The following AP3S1 variants were observed in gnomAD, a reference collection of about 807,000 sequenced individuals.
AP3S1 encodes the protein AP-3 complex subunit sigma-1.
A neutral mutation model predicts 21.3 loss-of-function variants in AP3S1; 12 were observed. The observed-to-expected ratio is 0.56, with a 90% confidence interval of 0.36 to 0.91. The LOEUF is 0.91. AP3S1 is among the 40% of genes least tolerant of loss of function. The probability of loss-of-function intolerance (pLI) is 0.01; values close to 1 mark genes in which losing one functional copy is unlikely to be tolerated. For missense variants in AP3S1, 116 were observed against 225.0 expected (o/e 0.52, Z 3.10); for synonymous variants, 48 against 78.4 (o/e 0.61, Z 2.05).
chr5:115,864,752 C>CT (rs1763483492), intron 1 of AP3S1, among the ~76,000 whole-genome samples: 1 of 152,180 alleles, frequency 6.6e-6, no homozygotes, highest in African/African-American at 2.4e-5. Flanking sequence ...TCAGAGAAAT[C>CT]TAAGAGCGCA....
intron 5 of AP3S1, among the ~76,000 whole-genome samples, chr5:115,906,108 A>G (rs549765469): frequency 6.6e-6 from 1 of 152,310 alleles, no homozygotes; most frequent in Admixed American, 6.5e-5. Context: ...CAGTGAGCTG[A>G]TATTGCACCA....
At chr5:115,913,024 T>A (rs894735350) in intron 5 of AP3S1, among the ~76,000 whole-genome samples, 2 of 152,146 alleles carry the variant, frequency 1.3e-5, no homozygotes, top group African/African-American at 4.8e-5. Context: ...AGGAAACTAA[T>A]GTAAATCATG....
At chr5:115,857,907 T>G (rs1462291478) in intron 1 of AP3S1, among the ~76,000 whole-genome samples, 1 of 152,214 alleles carries the variant, frequency 6.6e-6, no homozygotes, top group African/African-American at 2.4e-5. Context: ...TCCTGACACT[T>G]TTTCTTCAAA....
At chr5:115,899,027 T>A (rs553944480) in intron 4 of AP3S1, among the ~76,000 whole-genome samples, 1 of 152,284 alleles carries the variant, frequency 6.6e-6, no homozygotes, top group Non-Finnish European at 1.5e-5. Flanking sequence ...GTTTGGAGGA[T>A]GTATGACTTT....
At chr5:115,863,152 C>T (rs750515810) in intron 1 of AP3S1, among the ~76,000 whole-genome samples, 6 of 152,044 alleles carry the variant, frequency 3.9e-5, no homozygotes, top group Non-Finnish European at 8.8e-5. Flanking sequence ...GTAATCCTAG[C>T]ACTTTGGGAG....
chr5:115,895,037 G>C, intron 3 of AP3S1, 50 bp from the exon 4 acceptor site: 1 of 1,290,868 alleles, frequency 7.7e-7, no homozygotes, highest in Non-Finnish European at 1.1e-6. Context: ...ATAGATAATA[G>C]TTTTGAATAA....
chr5:115,893,998 A>T (rs1482041217), intron 3 of AP3S1, among the ~76,000 whole-genome samples: 1 of 152,194 alleles, frequency 6.6e-6, no homozygotes, highest in Non-Finnish European at 1.5e-5. Context: ...TAAGAGATTG[A>T]TTTTTGAAGG....
chr5:115,897,893 G>C (rs1439577275), intron 4 of AP3S1, among the ~76,000 whole-genome samples: 1 of 152,110 alleles, frequency 6.6e-6, no homozygotes. Flanking sequence ...GCAAGACATA[G>C]GGAGGTTTGC....
chr5:115,896,042 T>C (rs1159027517), intron 4 of AP3S1, among the ~76,000 whole-genome samples: 8 of 152,210 alleles, frequency 5.3e-5, no homozygotes, highest in African/African-American at 1.7e-4. Context: ...AGAGATTCTT[T>C]ATGAGTGATT....
rs1253161087 is a variant in AP3S1 at position 115,913,783 on chromosome 5, TA to T, written c.*298del. 9.3e-6 allele frequency: 3 copies of T among 321,824 alleles called. No homozygotes were observed. Among genetic ancestry groups the T allele is most frequent in the Non-Finnish European group, 1.7e-5 (3 of 179,086 alleles). 19.9% of individuals were successfully genotyped at this position (321,824 alleles called of 1,614,324 possible). On this transcript the variant is annotated 3_prime_UTR_variant, in exon 6 of 6. Coordinates refer to ENST00000316788, the MANE Select transcript of AP3S1 (RefSeq NM_001284.4). ...CTATGTATTGGCTACTACAGTGTTT[TA>T]AAAAGTGTTTCAGATATTTCTCTAA...
intron 1 of AP3S1, among the ~76,000 whole-genome samples, chr5:115,864,150 G>T (rs1763421919): frequency 6.6e-6 from 1 of 152,188 alleles, no homozygotes; most frequent in Non-Finnish European, 1.5e-5. Context: ...TATCTATAAA[G>T]CTGCTAATCC....
chr5:115,888,709 G>A (rs1276976255), intron 3 of AP3S1, among the ~76,000 whole-genome samples: 1 of 151,764 alleles, frequency 6.6e-6, no homozygotes, highest in Non-Finnish European at 1.5e-5. Flanking sequence ...ACAGTGTCTT[G>A]GTAGTTGTGG....
At chr5:115,856,116 A>G (rs974439560) in intron 1 of AP3S1, among the ~76,000 whole-genome samples, 1 of 152,182 alleles carries the variant, frequency 6.6e-6, no homozygotes, top group African/African-American at 2.4e-5. Flanking sequence ...CAACTGAAAT[A>G]TAGCTCTTTT....
intron 3 of AP3S1, among the ~76,000 whole-genome samples, chr5:115,886,521 T>C (rs1229093607): frequency 6.6e-6 from 1 of 152,226 alleles, no homozygotes; most frequent in Non-Finnish European, 1.5e-5. Context: ...TAACATTTCT[T>C]CTCTAGCTCG....
chr5:115,910,223 T>A (rs1223007156), intron 5 of AP3S1, among the ~76,000 whole-genome samples: 1 of 145,454 alleles, frequency 6.9e-6, no homozygotes, highest in Non-Finnish European at 1.5e-5. Flanking sequence ...CATGATTGCA[T>A]CACTCACTCC....
intron 3 of AP3S1, among the ~76,000 whole-genome samples, chr5:115,884,909 G>C (rs936998333): frequency 6.6e-6 from 1 of 152,036 alleles, no homozygotes; most frequent in African/African-American, 2.4e-5. Context: ...CACACTGATA[G>C]GAACACTGAT....
intron 3 of AP3S1, among the ~76,000 whole-genome samples, chr5:115,883,137 C>T (rs1414239546): frequency 6.6e-6 from 1 of 152,228 alleles, no homozygotes; most frequent in Non-Finnish European, 1.5e-5. Context: ...TTGCTGGGCT[C>T]CATGGCGGTG....
At chr5:115,872,856 T>G (rs1384684159) in intron 3 of AP3S1, among the ~76,000 whole-genome samples, 2 of 152,188 alleles carry the variant, frequency 1.3e-5, no homozygotes, top group African/African-American at 2.4e-5. Flanking sequence ...AAGAGAGCAT[T>G]ATATTTTTAC....
intron 1 of AP3S1, chr5:115,842,500 G>T (rs1028125255): frequency 9.3e-5 from 16 of 171,288 alleles, no homozygotes; most frequent in Non-Finnish European, 1.8e-4. Flanking sequence ...GCCCGCGGCT[G>T]CAGTTAGCCC....
Sources: gnomAD v4.1 joint callset for allele counts (sites outside exome capture counted in the v4.1 genomes callset) on GRCh38, gnomAD v4.1.1 for gene constraint, MANE v1.5 for transcripts, NCBI Gene and HGNC (gene_info 2026-07-23, HGNC 2026-07-21) for gene names.